LIPA: variants seen among roughly 807,000 people sequenced by gnomAD.
LIPA encodes lysosomal acid lipase/cholesteryl ester hydrolase.
Under a neutral mutation model 40.6 loss-of-function variants are expected in LIPA, and 26 were observed. The ratio of observed to expected loss-of-function variants is 0.64; its 90% CI spans 0.47 to 0.89. LIPA has a LOEUF of 0.89. LIPA is among the 40% of genes least tolerant of loss of function. The probability of loss-of-function intolerance (pLI) is 0.00; values close to 1 mark genes in which losing one functional copy is unlikely to be tolerated. For missense variants in LIPA, 455 were observed against 479.6 expected (o/e 0.95, Z 0.48); for synonymous variants, 188 against 168.4 (o/e 1.12, Z -0.90).
chr10:89,341,139 T>G (rs1318236223), intron 1 of LIPA, among the ~76,000 whole-genome samples: 1 of 152,192 alleles, frequency 6.6e-6, no homozygotes, highest in Non-Finnish European at 1.5e-5. Flanking sequence ...AGGCAGCCTA[T>G]CCTTACATTA....
At chr10:89,293,337 A>T (rs1013154655) in intron 1 of LIPA, among the ~76,000 whole-genome samples, 1 of 152,192 alleles carries the variant, frequency 6.6e-6, no homozygotes, top group Admixed American at 6.5e-5. Context: ...TTTCTAGAGT[A>T]TGAGAACAGA....
chr10:89,326,644 AT>A (rs1843602483), intron 1 of LIPA, among the ~76,000 whole-genome samples: 1 of 152,190 alleles, frequency 6.6e-6, no homozygotes, highest in Non-Finnish European at 1.5e-5. Flanking sequence ...CCCTGATGTG[AT>A]TATTACTCAT....
intron 1 of LIPA, among the ~76,000 whole-genome samples, chr10:89,251,528 T>C (rs552527630): frequency 4.6e-5 from 7 of 152,320 alleles, no homozygotes; most frequent in African/African-American, 1.7e-4. Flanking sequence ...GAAGTTGCTC[T>C]CTGAAGTTGC....
intron 8 of LIPA, among the ~76,000 whole-genome samples, chr10:89,217,747 C>T (rs572804849): frequency 2.0e-5 from 3 of 152,318 alleles, no homozygotes; most frequent in South Asian, 4.1e-4. Context: ...TATATCATCT[C>T]GCTCTGTGTT....
At chr10:89,371,063 G>C (rs1310756575) in intron 2 of LIPA, among the ~76,000 whole-genome samples, 1 of 152,176 alleles carries the variant, frequency 6.6e-6, no homozygotes, top group Non-Finnish European at 1.5e-5. Context: ...AGTATTGCCA[G>C]ATGCCCCCAG....
chr10:89,342,258 G>A (rs533808411), intron 1 of LIPA, among the ~76,000 whole-genome samples: 1 of 152,232 alleles, frequency 6.6e-6, no homozygotes, highest in South Asian at 2.1e-4. Flanking sequence ...TACCACAGAT[G>A]ATCACCCTTA....
intron 2 of LIPA, among the ~76,000 whole-genome samples, chr10:89,349,618 T>C (rs1843945904): frequency 6.6e-6 from 1 of 152,068 alleles, no homozygotes; most frequent in Non-Finnish European, 1.5e-5. Context: ...ATTGGGAAAG[T>C]TGAAAAGAGC....
intron 1 of LIPA, among the ~76,000 whole-genome samples, chr10:89,282,431 A>C (rs1035611044): frequency 2.0e-5 from 3 of 152,064 alleles, no homozygotes; most frequent in Non-Finnish European, 4.4e-5. Flanking sequence ...TGAGATTGAG[A>C]GTTTGAGACC....
At chr10:89,366,497 T>G (rs1448729488) in intron 2 of LIPA, among the ~76,000 whole-genome samples, 1 of 152,042 alleles carries the variant, frequency 6.6e-6, no homozygotes, top group African/African-American at 2.4e-5. Context: ...AAGAAAAAAT[T>G]TTTTCACAAA....
At chr10:89,246,135 A>T (rs1444512255) in intron 2 of LIPA, among the ~76,000 whole-genome samples, 1 of 152,182 alleles carries the variant, frequency 6.6e-6, no homozygotes, top group Non-Finnish European at 1.5e-5. Context: ...TTTTCTAAAT[A>T]TCCCAGCTAG....
chr10:89,390,632 T>C (rs747782528), intron 2 of LIPA, among the ~76,000 whole-genome samples: 13 of 152,170 alleles, frequency 8.5e-5, no homozygotes, highest in Non-Finnish European at 1.8e-4. Context: ...ACGCGCGCGA[T>C]TGGCTTTTCT....
rs375455298 is a variant in LIPA at position 89,238,379 on chromosome 10, T to C, written c.229+7297A>G. Among the ~76,000 whole-genome samples the C allele has an allele frequency of 7.9e-5, 12 of 152,324 alleles. No homozygotes were observed. The East Asian group carries it at 1.5e-3, about 20-fold the overall frequency. On this transcript the variant is annotated intron_variant, in intron 3 of 9. Transcript: ENST00000336233. Reference sequence around the variant, plus strand: ...AGACAATTCAGGAGAAGGGTGGCAATTGCAATTATTCAAGACTTCCTTTAC... The same window carrying C: ...AGACAATTCAGGAGAAGGGTGGCAACTGCAATTATTCAAGACTTCCTTTAC...
intron 2 of LIPA, among the ~76,000 whole-genome samples, chr10:89,391,649 C>T (rs1176048703): frequency 2.0e-5 from 3 of 152,042 alleles, no homozygotes; most frequent in Non-Finnish European, 4.4e-5. Flanking sequence ...CCTGCCTCAG[C>T]CTCTCGAGTA....
intron 6 of LIPA, among the ~76,000 whole-genome samples, chr10:89,224,090 T>C (rs1842736573): frequency 6.6e-6 from 1 of 152,202 alleles, no homozygotes. Flanking sequence ...AGCGGACTTC[T>C]ACAGTGGGAA....
chr10:89,365,980 C>T (rs1465791125), intron 2 of LIPA, among the ~76,000 whole-genome samples: 1 of 152,188 alleles, frequency 6.6e-6, no homozygotes, highest in Non-Finnish European at 1.5e-5. Context: ...TCTTCCAATT[C>T]TGTGAAGAAA....
chr10:89,250,325 G>T (rs1470079967), intron 1 of LIPA, among the ~76,000 whole-genome samples: 1 of 151,726 alleles, frequency 6.6e-6, no homozygotes, highest in Non-Finnish European at 1.5e-5. Context: ...GGATGGTCTC[G>T]ATCTCCTGAC....
intron 1 of LIPA, chr10:89,339,363 G>C: frequency 6.2e-7 from 1 of 1,613,806 alleles, no homozygotes; most frequent in Non-Finnish European, 8.5e-7. Context: ...CCTTGGAAAA[G>C]TCTCCTTGCC....
At chr10:89,398,021 A>T (rs997375170) in intron 2 of LIPA, among the ~76,000 whole-genome samples, 14 of 152,192 alleles carry the variant, frequency 9.2e-5, no homozygotes, top group Non-Finnish European at 1.3e-4. Context: ...ATCTCCAGAA[A>T]TTTTTCATCT....
intron 1 of LIPA, among the ~76,000 whole-genome samples, chr10:89,293,904 G>C (rs1467065647): frequency 6.6e-6 from 1 of 152,138 alleles, no homozygotes; most frequent in Non-Finnish European, 1.5e-5. Context: ...GAAAGGAGTT[G>C]GGAACTCAAT....
Sources: gnomAD v4.1 joint callset for allele counts (sites outside exome capture counted in the v4.1 genomes callset) on GRCh38, gnomAD v4.1.1 for gene constraint, MANE v1.5 for transcripts, NCBI Gene and HGNC (gene_info 2026-07-23, HGNC 2026-07-21) for gene names.